The following NAV3 variants were observed in gnomAD, a reference collection of about 807,000 sequenced individuals.
The protein encoded by NAV3 is pore membrane and/or filament interacting like protein 1.
In NAV3, 87 loss-of-function variants were observed where a neutral mutation model predicts 244.7. The ratio of observed to expected loss-of-function variants is 0.36; its 90% confidence interval spans 0.30 to 0.42. NAV3 has a LOEUF of 0.42. NAV3 is among the 20% of genes least tolerant of loss of function. The probability of loss-of-function intolerance (pLI) is 1.00; values close to 1 mark genes in which losing one functional copy is unlikely to be tolerated. For synonymous variants in NAV3, 1,126 were observed against 1,042.2 expected, an observed-to-expected ratio of 1.08 and a Z score of -1.55; for missense variants, 2,663 against 2,893.3, an observed-to-expected ratio of 0.92 and a Z score of 1.83.
intron 30 of NAV3, among the ~76,000 whole-genome samples, chr12:78,184,312 A>G (rs1383149250): frequency 6.6e-6 from 1 of 151,894 alleles, no homozygotes; most frequent in African/African-American, 2.4e-5. Context: ...ACAAACTACC[A>G]GAAGTCTAGA....
chr12:77,986,178 A>G (rs1424443797), intron 5 of NAV3, among the ~76,000 whole-genome samples: 1 of 152,174 alleles, frequency 6.6e-6, no homozygotes, highest in Non-Finnish European at 1.5e-5. Context: ...TCTAGCCAAC[A>G]TGGTAAAACC....
intron 1 of NAV3, among the ~76,000 whole-genome samples, chr12:77,853,799 G>A (rs1877926351): frequency 6.6e-6 from 1 of 152,080 alleles, no homozygotes; most frequent in African/African-American, 2.4e-5. Flanking sequence ...TATTTCATAA[G>A]GTATAAATTT....
intron 14 of NAV3, among the ~76,000 whole-genome samples, chr12:78,118,684 C>T (rs1272118338): frequency 6.6e-6 from 1 of 152,182 alleles, no homozygotes; most frequent in African/African-American, 2.4e-5. Context: ...GCACTACAGA[C>T]TCTGAGAGGA....
chr12:77,960,894 A>G (rs1421332458), intron 3 of NAV3, among the ~76,000 whole-genome samples: 2 of 146,662 alleles, frequency 1.4e-5, no homozygotes, highest in Non-Finnish European at 1.5e-5. Flanking sequence ...TTTAATATGA[A>G]CATATCATAT....
chr12:77,869,283 G>A (rs1880582266), intron 1 of NAV3, among the ~76,000 whole-genome samples: 1 of 152,078 alleles, frequency 6.6e-6, no homozygotes, highest in Admixed American at 6.5e-5. Flanking sequence ...GTTCTCGAGA[G>A]ATAGTAAGTA....
intron 2 of NAV3, among the ~76,000 whole-genome samples, chr12:77,752,301 CTATT>C (rs946333802): frequency 4.6e-5 from 7 of 152,114 alleles, no homozygotes; most frequent in African/African-American, 1.4e-4. Flanking sequence ...GGGAAGGAAA[CTATT>C]TGTTTGACAT....
At chr12:77,770,381 G>C (rs1371986105) in intron 2 of NAV3, among the ~76,000 whole-genome samples, 2 of 152,160 alleles carry the variant, frequency 1.3e-5, no homozygotes, top group Non-Finnish European at 2.9e-5. Context: ...TGCTGAAGTA[G>C]CCTTGGAGAT....
At chr12:77,835,545 T>C (rs1288439850) in intron 1 of NAV3, among the ~76,000 whole-genome samples, 1 of 152,230 alleles carries the variant, frequency 6.6e-6, no homozygotes, top group African/African-American at 2.4e-5. Flanking sequence ...CCCGAATTCC[T>C]AGACTAATAT....
chr12:77,796,171 TC>T (rs1203469512), intron 2 of NAV3, among the ~76,000 whole-genome samples: 3 of 152,130 alleles, frequency 2.0e-5, no homozygotes, highest in African/African-American at 7.2e-5. Context: ...AAATTGCCAT[TC>T]TAGATGCCAT....
At chr12:77,902,109 A>G (rs574721987) in intron 1 of NAV3, among the ~76,000 whole-genome samples, 1 of 152,286 alleles carries the variant, frequency 6.6e-6, no homozygotes, top group East Asian at 1.9e-4. Context: ...GTTGTTTGCA[A>G]AAATTATCTC....
intron 2 of NAV3, among the ~76,000 whole-genome samples, chr12:77,628,347 G>C (rs184580776): frequency 2.0e-5 from 3 of 152,024 alleles, no homozygotes; most frequent in East Asian, 1.9e-4. Context: ...GAAGCAAGAG[G>C]CTTCAATAAC....
intron 2 of NAV3, among the ~76,000 whole-genome samples, chr12:77,776,817 C>T (rs1011128580): frequency 3.3e-5 from 5 of 152,142 alleles, no homozygotes; most frequent in African/African-American, 1.2e-4. Context: ...CCCGTCTCTA[C>T]TAAAAATACA....
intron 1 of NAV3, among the ~76,000 whole-genome samples, chr12:77,849,230 T>A (rs1233842315): frequency 1.4e-5 from 2 of 144,752 alleles, no homozygotes; most frequent in African/African-American, 4.9e-5. Context: ...ATGTGTTGTA[T>A]GTAATAGTGA....
chr12:77,904,034 T>C (rs900791386), intron 1 of NAV3, among the ~76,000 whole-genome samples: 2,690 of 152,144 alleles, frequency 0.018, 34 homozygotes, highest in Non-Finnish European at 0.03. Flanking sequence ...GGAACACTTT[T>C]ACACTGTTGG....
At chr12:78,108,018 G>A (rs75814378) in intron 12 of NAV3, among the ~76,000 whole-genome samples, 1 of 152,054 alleles carries the variant, frequency 6.6e-6, no homozygotes, top group Non-Finnish European at 1.5e-5. Context: ...GTTATGAAAT[G>A]CCTGAATGAT....
intron 2 of NAV3, among the ~76,000 whole-genome samples, chr12:77,705,239 C>CATATTTCACCTGCTT (rs1555196507): frequency 3.3e-5 from 5 of 151,578 alleles, no homozygotes; most frequent in South Asian, 2.1e-4. Context: ...GCCAACATAG[C>CATATTTCACCTGCTT]GAAACCCTGT....
At chr12:77,838,038 A>T (rs1005761608) in intron 1 of NAV3, among the ~76,000 whole-genome samples, 1 of 152,222 alleles carries the variant, frequency 6.6e-6, no homozygotes, top group East Asian at 1.9e-4. Flanking sequence ...AGAGCTGGCC[A>T]GGCCTACAGC....
At chr12:77,924,121 G>T (rs923905749) in intron 1 of NAV3, among the ~76,000 whole-genome samples, 4 of 152,098 alleles carry the variant, frequency 2.6e-5, no homozygotes, top group African/African-American at 9.7e-5. Context: ...AGTGTTTCCT[G>T]GGGGTTGGGT....
chr12:77,894,292 G>A (rs1313893853), intron 1 of NAV3, among the ~76,000 whole-genome samples: 1 of 151,826 alleles, frequency 6.6e-6, no homozygotes, highest in Non-Finnish European at 1.5e-5. Context: ...TACAAATAAA[G>A]TTTATAACCC....
Sources: gnomAD v4.1 joint callset for allele counts (sites outside exome capture counted in the v4.1 genomes callset) on GRCh38, gnomAD v4.1.1 for gene constraint, MANE v1.5 for transcripts, NCBI Gene and HGNC (gene_info 2026-07-23, HGNC 2026-07-21) for gene names.